Variants in OTOGL observed in about 807,000 individuals in gnomAD.
OTOGL encodes otogelin-like protein.
In OTOGL, 285 loss-of-function variants were observed where a neutral mutation model predicts 318.5. That is an observed-to-expected ratio of 0.89 (90% CI 0.81 to 0.99). OTOGL has a LOEUF of 0.99. Among genes scored for constraint, OTOGL ranks in the 50% least tolerant of loss-of-function variants. The pLI, the probability that OTOGL is intolerant of heterozygous loss-of-function variation, is 0.00. For synonymous variants in OTOGL, 987 were observed against 936.5 expected (o/e 1.05, Z -0.99); for missense variants, 2,899 against 2,845.6 (o/e 1.02, Z -0.43).
chr12:80,332,050 A>G (rs571058651), intron 37 of OTOGL, among the ~76,000 whole-genome samples: 15 of 152,336 alleles, frequency 9.8e-5, no homozygotes, highest in African/African-American at 3.4e-4. Context: ...GGAAGAGACC[A>G]GGAAACAGAG....
chr12:80,145,684 C>T (rs1376318491), intron 1 of OTOGL, among the ~76,000 whole-genome samples: 2 of 151,782 alleles, frequency 1.3e-5, no homozygotes, highest in Non-Finnish European at 2.9e-5. Flanking sequence ...TTCTTCCTAC[C>T]CATGAGCATG....
chr12:80,187,524 A>G (rs2400695), intron 1 of OTOGL, among the ~76,000 whole-genome samples: 50,390 of 152,078 alleles, frequency 0.33, 8,795 homozygotes, highest in Middle Eastern at 0.43. Context: ...TGATTACAAT[A>G]TGAATATTCT....
intron 57 of OTOGL, among the ~76,000 whole-genome samples, chr12:80,375,769 A>G (rs10778738): frequency 0.85 from 129,479 of 152,168 alleles, 55,134 homozygotes; most frequent in South Asian, 0.88. Flanking sequence ...TTCATTGACT[A>G]TTCTTTATTC....
chr12:80,183,603 G>C (rs1440127829), intron 1 of OTOGL, among the ~76,000 whole-genome samples: 1 of 151,810 alleles, frequency 6.6e-6, no homozygotes, highest in Admixed American at 6.6e-5. Context: ...AAAGAGAATG[G>C]GCCAAAGCCA....
intron 1 of OTOGL, among the ~76,000 whole-genome samples, chr12:80,199,769 C>T (rs1876332278): frequency 6.6e-6 from 1 of 152,156 alleles, no homozygotes; most frequent in African/African-American, 2.4e-5. Context: ...TGTGCAGCTG[C>T]ATGCAATGTA....
At chr12:80,269,469 A>G (rs1288009982) in intron 22 of OTOGL, among the ~76,000 whole-genome samples, 3 of 152,168 alleles carry the variant, frequency 2.0e-5, no homozygotes, top group Non-Finnish European at 4.4e-5. Context: ...TAGGTCTTCA[A>G]TGGCTCACCT....
intron 4 of OTOGL, among the ~76,000 whole-genome samples, chr12:80,215,463 G>A (rs903619291): frequency 4.6e-5 from 7 of 151,896 alleles, no homozygotes; most frequent in African/African-American, 7.3e-5. Flanking sequence ...CACCGCGCCC[G>A]GCCTGCATGT....
intron 50 of OTOGL, 121 bp downstream of exon 50, chr12:80,358,470 C>T (rs905813199): frequency 5.8e-6 from 5 of 865,636 alleles, no homozygotes; most frequent in Non-Finnish European, 8.9e-6. Flanking sequence ...ATGAGCTATC[C>T]TAGCACCAGT....
At chr12:80,255,642 G>A (rs1236214143) in intron 16 of OTOGL, among the ~76,000 whole-genome samples, 1 of 151,862 alleles carries the variant, frequency 6.6e-6, no homozygotes, top group African/African-American at 2.4e-5. Flanking sequence ...ATTCTAAACA[G>A]ATATGATGAA....
chr12:80,177,703 T>C (rs1216576009), intron 1 of OTOGL, among the ~76,000 whole-genome samples: 2 of 152,232 alleles, frequency 1.3e-5, no homozygotes, highest in African/African-American at 2.4e-5. Context: ...TTCAGTCTTC[T>C]GATCCAAGAA....
chr12:80,215,306 T>C (rs1355902654), intron 4 of OTOGL, among the ~76,000 whole-genome samples: 1 of 151,760 alleles, frequency 6.6e-6, no homozygotes. Context: ...ACTGGGATTA[T>C]AGGCACATAC....
chr12:80,279,228 A>G, intron 26 of OTOGL, 62 bp downstream of exon 26: 1 of 1,434,260 alleles, frequency 7.0e-7, no homozygotes, highest in Non-Finnish European at 9.4e-7. Flanking sequence ...AAAAACAAGT[A>G]TGCTGGTCCC....
chr12:80,266,616 T>C lies in OTOGL; in HGVS notation c.2390T>C (p.Ile797Thr), dbSNP rs776223885. 6 of 1,612,556 alleles carry C rather than the reference T, an allele frequency of 3.7e-6. No individual in the cohort carries two copies. Among genetic ancestry groups the C allele is most frequent in the Non-Finnish European group, 2.5e-6 (3 of 1,179,030 alleles). Residue 797 changes from isoleucine (I) to threonine (T), a missense_variant and splice_region_variant, in exon 21 of 59, where the codon ATA (isoleucine) becomes ACA (threonine). By Grantham distance (89) the Ile-to-Thr change is moderately conservative (BLOSUM62 -1). Around this residue, in one of 3 missense-constraint regions of OTOGL, gnomAD observed 2,607 missense variants for 2,524.9 expected, o/e 1.03. Coordinates refer to ENST00000547103, the MANE Select transcript of OTOGL (RefSeq NM_001378609.3). Reference sequence around the variant, plus strand: ...GACACTCTTAACTTTTGTGTACCCATGTAAGTCGTAGAAACAGGTTGGCAG... The same window carrying C: ...GACACTCTTAACTTTTGTGTACCCACGTAAGTCGTAGAAACAGGTTGGCAG... ...YEDTLNFCVP[I>T]FHCRCHYRGS...
intron 4 of OTOGL, among the ~76,000 whole-genome samples, chr12:80,216,661 G>T (rs1347292480): frequency 6.6e-6 from 1 of 152,130 alleles, no homozygotes; most frequent in Non-Finnish European, 1.5e-5. Context: ...TACAACGAGG[G>T]AAGTGCCATT....
chr12:80,189,703 G>A (rs538272322), intron 1 of OTOGL, among the ~76,000 whole-genome samples: 1 of 152,272 alleles, frequency 6.6e-6, no homozygotes, highest in Non-Finnish European at 1.5e-5. Flanking sequence ...AAGATAAATC[G>A]AAATATGCAG....
At chr12:80,199,642 A>G (rs1876323580) in intron 1 of OTOGL, among the ~76,000 whole-genome samples, 2 of 152,194 alleles carry the variant, frequency 1.3e-5, no homozygotes, top group Admixed American at 1.3e-4. Context: ...ATATCTCAGA[A>G]CTTATATTAA....
chr12:80,117,645 T>A (rs1250102160), intron 1 of OTOGL, among the ~76,000 whole-genome samples: 3 of 152,218 alleles, frequency 2.0e-5, no homozygotes, highest in African/African-American at 7.2e-5. Context: ...CATCATTCAC[T>A]TCCAAGAGTC....
intron 27 of OTOGL, among the ~76,000 whole-genome samples, chr12:80,300,780 C>A (rs1045698863): frequency 6.6e-6 from 1 of 152,056 alleles, no homozygotes; most frequent in Non-Finnish European, 1.5e-5. Context: ...AACAGAGTTC[C>A]TAGCAGGAGG....
At chr12:80,314,791 T>G (rs1886867958) in intron 32 of OTOGL, among the ~76,000 whole-genome samples, 1 of 152,226 alleles carries the variant, frequency 6.6e-6, no homozygotes, top group African/African-American at 2.4e-5. Flanking sequence ...GTACACATTG[T>G]GGAATGATCA....
Sources: gnomAD v4.1 joint callset for allele counts (sites outside exome capture counted in the v4.1 genomes callset) on GRCh38, gnomAD v4.1.1 for gene constraint, gnomAD v4.1.1 regional missense constraint, MANE v1.5 for transcripts, NCBI Gene and HGNC (gene_info 2026-07-23, HGNC 2026-07-21) for gene names.